The following SCHIP1 variants were observed in gnomAD, a reference collection of about 807,000 sequenced individuals.
The protein encoded by SCHIP1 is schwannomin-interacting protein 1.
In SCHIP1, 8 loss-of-function variants were observed where a neutral mutation model predicts 29.7. The ratio of observed to expected loss-of-function variants is 0.27; its 90% CI spans 0.16 to 0.49. The LOEUF is 0.49. Ranked by LOEUF, SCHIP1 falls within the 20% of genes least tolerant of loss-of-function variation. The pLI, the probability that SCHIP1 is intolerant of heterozygous loss-of-function variation, is 0.99. For missense variants in SCHIP1, 193 were observed against 294.6 expected (o/e 0.66, Z 2.52); for synonymous variants, 76 against 94.9 (o/e 0.80, Z 1.16).
the SCHIP1 span, among the ~76,000 whole-genome samples, chr3:159,357,348 G>T: frequency 1.3e-5 from 2 of 152,202 alleles, no homozygotes; most frequent in Non-Finnish European, 2.9e-5. Context: ...TGTATTTCAA[G>T]ATAATAATTG....
the SCHIP1 span, among the ~76,000 whole-genome samples, chr3:159,466,223 T>A: frequency 6.6e-6 from 1 of 152,056 alleles, no homozygotes; most frequent in Admixed American, 6.6e-5. Flanking sequence ...CATGAGACTT[T>A]GTAGTCCCAG....
chr3:159,378,939 A>G, the SCHIP1 span, among the ~76,000 whole-genome samples: 2 of 152,220 alleles, frequency 1.3e-5, no homozygotes, highest in African/African-American at 4.8e-5. Context: ...AAGGATTTTA[A>G]TTACACAATG....
chr3:159,459,342 A>G, the SCHIP1 span, among the ~76,000 whole-genome samples: 3 of 152,126 alleles, frequency 2.0e-5, no homozygotes, highest in African/African-American at 7.2e-5. Flanking sequence ...AAAATTTAAT[A>G]AAATGAAGAT....
At chr3:159,839,628 C>CTTTTTTTTTTTTTT (rs3068349), upstream of SCHIP1, among the ~76,000 whole-genome samples, 16 of 71,710 alleles carry the variant, frequency 2.2e-4, no homozygotes, top group Non-Finnish European at 3.9e-4. Flanking sequence ...AGGTCTTTTT[C>CTTTTTTTTTTTTTT]TTTTTTTTTT....
the SCHIP1 span, among the ~76,000 whole-genome samples, chr3:159,803,047 G>A: frequency 3.2e-4 from 48 of 152,248 alleles, no homozygotes; most frequent in African/African-American, 1.1e-3. Context: ...GAAGTCACAC[G>A]TGACACCTCT....
At chr3:159,604,313 C>T in the SCHIP1 span, among the ~76,000 whole-genome samples, 4 of 152,112 alleles carry the variant, frequency 2.6e-5, no homozygotes, top group African/African-American at 7.2e-5. Flanking sequence ...TCTTTGATGA[C>T]GATTATTGTA....
At chr3:159,443,639 G>C in the SCHIP1 span, among the ~76,000 whole-genome samples, 1 of 152,092 alleles carries the variant, frequency 6.6e-6, no homozygotes, top group South Asian at 2.1e-4. Flanking sequence ...CTCCCAAGTA[G>C]CTGGGACTAC....
chr3:159,718,410 G>T, the SCHIP1 span, among the ~76,000 whole-genome samples: 446 of 152,214 alleles, frequency 2.9e-3, 5 homozygotes, highest in African/African-American at 0.01. Flanking sequence ...AGAAATAAAG[G>T]GTATTCAGTT....
At chr3:159,701,364 C>T in the SCHIP1 span, among the ~76,000 whole-genome samples, 9 of 152,270 alleles carry the variant, frequency 5.9e-5, no homozygotes, top group Non-Finnish European at 4.4e-5. Flanking sequence ...GCCCCCTACA[C>T]GCACAACCTT....
chr3:159,603,053 C>T, the SCHIP1 span, among the ~76,000 whole-genome samples: 3 of 152,134 alleles, frequency 2.0e-5, no homozygotes, highest in East Asian at 5.8e-4. Flanking sequence ...GACTGACTGG[C>T]TGTAAATCAG....
the SCHIP1 span, among the ~76,000 whole-genome samples, chr3:159,392,472 C>G: frequency 6.6e-3 from 975 of 147,614 alleles, 15 homozygotes; most frequent in African/African-American, 0.024. Context: ...TCACCCCACC[C>G]CACAACAGGC....
intron 1 of SCHIP1, among the ~76,000 whole-genome samples, chr3:159,852,236 A>G (rs1712743527): frequency 1.3e-5 from 2 of 152,236 alleles, no homozygotes; most frequent in South Asian, 2.1e-4. Flanking sequence ...ACAAGAATCT[A>G]TATTGGAAAA....
chr3:159,626,126 A>ATAGATAGG, the SCHIP1 span, among the ~76,000 whole-genome samples: 102 of 123,696 alleles, frequency 8.2e-4, no homozygotes, highest in Non-Finnish European at 9.5e-4. Flanking sequence ...AGATAGATAG[A>ATAGATAGG]TAGATAGATA....
chr3:159,829,593 C>T, the SCHIP1 span, among the ~76,000 whole-genome samples: 4 of 152,172 alleles, frequency 2.6e-5, no homozygotes, highest in East Asian at 1.9e-4. Context: ...AATTTTTCGA[C>T]GTCAGCATAT....
At chr3:159,450,267 G>A in the SCHIP1 span, among the ~76,000 whole-genome samples, 1 of 152,174 alleles carries the variant, frequency 6.6e-6, no homozygotes, top group East Asian at 1.9e-4. Flanking sequence ...ATTAAGTGAT[G>A]CTATGAGGCA....
chr3:159,310,722 C>T, the SCHIP1 span, among the ~76,000 whole-genome samples: 2 of 152,262 alleles, frequency 1.3e-5, no homozygotes, highest in South Asian at 4.2e-4. Flanking sequence ...TGTGGTAGAG[C>T]ACGTTTCAAA....
At chr3:159,576,541 T>C in the SCHIP1 span, among the ~76,000 whole-genome samples, 1 of 152,240 alleles carries the variant, frequency 6.6e-6, no homozygotes, top group South Asian at 2.1e-4. Context: ...CATTTATTAA[T>C]TCTGCAAAAT....
the SCHIP1 span, among the ~76,000 whole-genome samples, chr3:159,611,697 G>C: frequency 2.0e-5 from 3 of 152,090 alleles, no homozygotes; most frequent in Non-Finnish European, 4.4e-5. Flanking sequence ...AACAAAAAAA[G>C]AGCTCTGCCA....
chr3:159,838,858 G>A (rs191597549), upstream of SCHIP1, among the ~76,000 whole-genome samples: 562 of 144,264 alleles, frequency 3.9e-3, 2 homozygotes, highest in Non-Finnish European at 5.7e-3. Flanking sequence ...CTCGCCACTC[G>A]CCACTGCACT....
Sources: allele counts gnomAD v4.1 joint callset (sites outside exome capture counted in the v4.1 genomes callset), GRCh38; gene constraint gnomAD v4.1.1; transcripts MANE v1.5; gene names NCBI Gene and HGNC (gene_info 2026-07-23, HGNC 2026-07-21).